POFUT3: variants seen among roughly 807,000 people sequenced by gnomAD.
POFUT3 encodes protein O-fucosyltransferase 3, also known as GDP-fucose protein O-fucosyltransferase 3.
chr8:33,364,390 C>T, the POFUT3 span, among the ~76,000 whole-genome samples: 2 of 152,164 alleles, frequency 1.3e-5, no homozygotes, highest in African/African-American at 2.4e-5. Flanking sequence ...CTCACCATTC[C>T]TATTCAATAT....
At chr8:33,316,739 C>A in the POFUT3 span, among the ~76,000 whole-genome samples, 2 of 115,318 alleles carry the variant, frequency 1.7e-5, no homozygotes, top group African/African-American at 4.1e-5. Context: ...GAGACTCTGT[C>A]TCAAAAAAAA....
chr8:33,433,256 A>G, the POFUT3 span, among the ~76,000 whole-genome samples: 18 of 152,072 alleles, frequency 1.2e-4, no homozygotes, highest in Non-Finnish European at 2.4e-4. Flanking sequence ...TTCATTAATC[A>G]TTCTTTTCAA....
At chr8:33,456,634 T>G in the POFUT3 span, among the ~76,000 whole-genome samples, 2 of 151,996 alleles carry the variant, frequency 1.3e-5, no homozygotes, top group Admixed American at 1.3e-4. Flanking sequence ...TATGGCAGAA[T>G]AAAGGAATGC....
At chr8:33,408,786 G>T in the POFUT3 span, among the ~76,000 whole-genome samples, 89 of 152,176 alleles carry the variant, frequency 5.8e-4, no homozygotes, top group South Asian at 2.1e-3. Flanking sequence ...GTGTTTTTTG[G>T]GGGTGGAGAG....
the POFUT3 span, among the ~76,000 whole-genome samples, chr8:33,347,194 G>T: frequency 6.6e-6 from 1 of 152,028 alleles, no homozygotes; most frequent in East Asian, 1.9e-4. Flanking sequence ...CTTGATCCCC[G>T]CAATCAACAC....
the POFUT3 span, among the ~76,000 whole-genome samples, chr8:33,448,276 TC>T: frequency 6.6e-6 from 1 of 152,186 alleles, no homozygotes; most frequent in African/African-American, 2.4e-5. Context: ...TAGCCTTTTG[TC>T]CTTCAAAAGG....
the POFUT3 span, among the ~76,000 whole-genome samples, chr8:33,461,187 AAGGAAGGGAGGGAGGGAGGG>A: frequency 4.9e-4 from 56 of 114,264 alleles, 1 homozygote; most frequent in East Asian, 3.5e-3. Flanking sequence ...GGAAGGAAGG[AAGGAAGGGAGGGAGGGAGGG>A]AGGGAGGGAG....
the POFUT3 span, among the ~76,000 whole-genome samples, chr8:33,469,063 T>G: frequency 1.3e-5 from 2 of 152,182 alleles, no homozygotes; most frequent in East Asian, 3.9e-4. Flanking sequence ...GCCAGCACTT[T>G]GGGAGGCCAA....
At chr8:33,347,713 CT>C in the POFUT3 span, among the ~76,000 whole-genome samples, 1 of 152,208 alleles carries the variant, frequency 6.6e-6, no homozygotes, top group African/African-American at 2.4e-5. Flanking sequence ...ACCACCTGAC[CT>C]TCAAGGAACT....
the POFUT3 span, among the ~76,000 whole-genome samples, chr8:33,341,455 A>G: frequency 1.3e-5 from 2 of 151,708 alleles, no homozygotes; most frequent in Non-Finnish European, 2.9e-5. Flanking sequence ...AAAAAAAGAA[A>G]AAGAAAGAAA....
At chr8:33,440,189 C>T in the POFUT3 span, among the ~76,000 whole-genome samples, 1 of 151,938 alleles carries the variant, frequency 6.6e-6, no homozygotes, top group Non-Finnish European at 1.5e-5. Flanking sequence ...ATATTGAGAC[C>T]ATGTCTCTGT....
chr8:33,417,950 C>T, the POFUT3 span, among the ~76,000 whole-genome samples: 2,110 of 152,234 alleles, frequency 0.014, 54 homozygotes, highest in African/African-American at 0.047. Flanking sequence ...CCTAGCCATG[C>T]GACAGCACCT....
chr8:33,361,316 A>G, the POFUT3 span: 1 of 152,238 alleles, frequency 6.6e-6, no homozygotes, highest in Non-Finnish European at 1.5e-5. Context: ...GGGGAACAGG[A>G]ATAAACACTG....
At chr8:33,468,360 C>G in the POFUT3 span, among the ~76,000 whole-genome samples, 1 of 152,130 alleles carries the variant, frequency 6.6e-6, no homozygotes, top group Non-Finnish European at 1.5e-5. Context: ...TCTGGGAAGA[C>G]TCCTTTGCCC....
the POFUT3 span, among the ~76,000 whole-genome samples, chr8:33,332,812 C>T: frequency 6.6e-6 from 1 of 152,126 alleles, no homozygotes; most frequent in African/African-American, 2.4e-5. Context: ...AAATAACAAA[C>T]AACTCTCACT....
the POFUT3 span, among the ~76,000 whole-genome samples, chr8:33,390,880 G>A: frequency 4.1e-4 from 62 of 152,152 alleles, 1 homozygote; most frequent in Non-Finnish European, 7.1e-4. Flanking sequence ...TGTGGTAAGC[G>A]ATTGTTTCCT....
chr8:33,384,957 AC>A, the POFUT3 span, among the ~76,000 whole-genome samples: 2 of 152,210 alleles, frequency 1.3e-5, no homozygotes, highest in Admixed American at 1.3e-4. Flanking sequence ...GACAGTGGGC[AC>A]AGCAGTCACT....
chr8:33,325,063 T>A, the POFUT3 span, among the ~76,000 whole-genome samples: 1 of 152,194 alleles, frequency 6.6e-6, no homozygotes, highest in South Asian at 2.1e-4. Context: ...GGCTTTTTTA[T>A]TGTCTATAAG....
the POFUT3 span, among the ~76,000 whole-genome samples, chr8:33,408,293 C>A: frequency 6.6e-6 from 1 of 150,886 alleles, no homozygotes; most frequent in African/African-American, 2.4e-5. Context: ...CAACGCACTC[C>A]AGAGAGACTC....
Sources: gnomAD v4.1 joint callset for allele counts (sites outside exome capture counted in the v4.1 genomes callset) on GRCh38, gnomAD v4.1.1 for gene constraint, MANE v1.5 for transcripts, NCBI Gene and HGNC (gene_info 2026-07-23, HGNC 2026-07-21) for gene names.